Variants in SORCS1 observed in about 807,000 individuals in gnomAD.
SORCS1 encodes the protein sortilin related VPS10 domain containing receptor 1.
SORCS1 carries 60 observed loss-of-function variants against 146.1 expected under a neutral mutation model. The observed-to-expected ratio is 0.41, with a 90% CI of 0.33 to 0.51. SORCS1 has a LOEUF of 0.51. Ranked by LOEUF, SORCS1 falls within the 20% of genes least tolerant of loss-of-function variation. The pLI is 0.21. For synonymous variants in SORCS1, 637 were observed against 584.0 expected (o/e 1.09, Z -1.31); for missense variants, 1,352 against 1,487.6 (o/e 0.91, Z 1.50).
chr10:107,163,951 C>A lies in SORCS1; in HGVS notation c.558+18G>T. 1 of 1,603,736 alleles carries A rather than the reference C, an allele frequency of 6.2e-7. No individual in the cohort carries two copies. The highest frequency in any genetic ancestry group is 8.5e-7 in the Non-Finnish European group (1 of 1,172,920). ...TTCCATCTTTCCACCCCTTTACCCT[C>A]AGTCCCATTCTACTCACGCTGCTGT... On this transcript the variant is annotated intron_variant, in intron 1 of 25. Transcript: ENST00000263054.
chr10:106,599,727 ACTTT>A (rs1846123972), intron 23 of SORCS1, among the ~76,000 whole-genome samples: 2 of 151,836 alleles, frequency 1.3e-5, no homozygotes, highest in South Asian at 4.2e-4. Flanking sequence ...AAGACTCCCC[ACTTT>A]CAACCAGGTG....
intron 1 of SORCS1, among the ~76,000 whole-genome samples, chr10:107,120,980 G>T (rs753494642): frequency 6.6e-6 from 1 of 152,204 alleles, no homozygotes; most frequent in Non-Finnish European, 1.5e-5. Flanking sequence ...ATGCCAAAAT[G>T]CAGAGGATAA....
intron 1 of SORCS1, among the ~76,000 whole-genome samples, chr10:107,161,609 A>C (rs1969711377): frequency 6.6e-6 from 1 of 152,054 alleles, no homozygotes; most frequent in Non-Finnish European, 1.5e-5. Flanking sequence ...TTCAGCGGAC[A>C]CTCAACTTGC....
At chr10:107,175,977 A>G in the SORCS1 span, among the ~76,000 whole-genome samples, 1 of 152,232 alleles carries the variant, frequency 6.6e-6, no homozygotes, top group South Asian at 2.1e-4. Context: ...ATTAATTGTT[A>G]AAAGCAAATT....
At chr10:106,737,060 A>AGT (rs1037008021) in intron 5 of SORCS1, among the ~76,000 whole-genome samples, 2 of 151,032 alleles carry the variant, frequency 1.3e-5, no homozygotes, top group African/African-American at 4.9e-5. Flanking sequence ...TGTGCATGTG[A>AGT]GTGTGTGTGT....
chr10:106,969,196 T>C (rs1955649627), intron 1 of SORCS1, among the ~76,000 whole-genome samples: 1 of 152,216 alleles, frequency 6.6e-6, no homozygotes, highest in Non-Finnish European at 1.5e-5. Flanking sequence ...AATGTTTCCA[T>C]GTGATTCTAG....
chr10:107,037,303 G>GT, intron 1 of SORCS1, among the ~76,000 whole-genome samples: 1 of 152,300 alleles, frequency 6.6e-6, no homozygotes, highest in South Asian at 2.1e-4. Context: ...AAAAAGCTCA[G>GT]TGATGGTGAG....
intron 3 of SORCS1, among the ~76,000 whole-genome samples, chr10:106,812,039 C>T (rs966323854): frequency 1.3e-5 from 2 of 152,088 alleles, no homozygotes; most frequent in East Asian, 1.9e-4. Flanking sequence ...CTAGCTCTGT[C>T]GCCCAGGCTG....
chr10:106,729,003 CCTGGAGTG>C (rs888638404), intron 6 of SORCS1, among the ~76,000 whole-genome samples: 24 of 152,300 alleles, frequency 1.6e-4, no homozygotes, highest in African/African-American at 5.5e-4. Context: ...TACCCCCTCA[CCTGGAGTG>C]CTCTATCCTA....
At chr10:107,063,009 T>C (rs1405401586) in intron 1 of SORCS1, among the ~76,000 whole-genome samples, 6 of 152,200 alleles carry the variant, frequency 3.9e-5, no homozygotes, top group African/African-American at 1.4e-4. Context: ...TTTCCTTGAC[T>C]CGTAAGAACC....
chr10:106,972,455 G>A (rs945006719), intron 1 of SORCS1, among the ~76,000 whole-genome samples: 1 of 149,780 alleles, frequency 6.7e-6, no homozygotes, highest in Non-Finnish European at 1.5e-5. Context: ...TTTGATTTGT[G>A]TCATTCTCCT....
chr10:106,714,910 A>C (rs182967427), intron 6 of SORCS1, among the ~76,000 whole-genome samples: 95 of 152,292 alleles, frequency 6.2e-4, no homozygotes, highest in African/African-American at 2.1e-3. Flanking sequence ...AGAATTACCA[A>C]GTTTAAAATA....
chr10:107,137,202 G>A (rs763036981), intron 1 of SORCS1, among the ~76,000 whole-genome samples: 7 of 152,188 alleles, frequency 4.6e-5, no homozygotes, highest in Non-Finnish European at 1.0e-4. Flanking sequence ...GAATGGCAGA[G>A]GATGAAGCCA....
intron 1 of SORCS1, among the ~76,000 whole-genome samples, chr10:107,037,575 A>G (rs936926528): frequency 1.3e-5 from 2 of 152,260 alleles, no homozygotes; most frequent in Non-Finnish European, 2.9e-5. Flanking sequence ...CTCATATAAA[A>G]TCAGTTCCAG....
In SORCS1 at chr10:106,888,311, A is replaced by G. The variant is rs74152259; in HGVS notation, c.627-58638T>C. On this transcript the variant is annotated intron_variant, in intron 2 of 25. Transcript: ENST00000263054. ...ATCAAACTGACTGAGGCTGCTCAAC[A>G]ATTGGAAGGTATTTGGTGCTGGTGC... 4.9e-3 allele frequency among the ~76,000 whole-genome samples: 740 copies of G among 152,322 alleles called. 9 individuals carry two copies. Among genetic ancestry groups the G allele is most frequent in the African/African-American group, 0.017 (714 of 41,572 alleles).
chr10:106,573,765 CA>C lies in SORCS1; in HGVS notation c.*3654del, dbSNP rs1844468703. ...TACATTCTGCCTTGTTAGTAAAAAA[CA>C]GCCAAAAACCTCAAGCCTGTGGTGT... On this transcript the variant is annotated 3_prime_UTR_variant, in exon 26 of 26. Transcript: ENST00000263054. 6.6e-6 allele frequency: 1 copy of C among 152,046 alleles called. No individual in the cohort carries two copies. The highest frequency in any genetic ancestry group is 2.4e-5 in the African/African-American group (1 of 41,324). The allele number at this position is 152,046 out of a possible 1,614,324, so 9.4% of individuals were successfully genotyped here.
At chr10:106,836,399 A>G (rs1406777418) in intron 2 of SORCS1, among the ~76,000 whole-genome samples, 2 of 148,482 alleles carry the variant, frequency 1.3e-5, no homozygotes, top group Non-Finnish European at 3.0e-5. Context: ...GCGTGAACCC[A>G]GGAGGCGGAG....
intron 1 of SORCS1, among the ~76,000 whole-genome samples, chr10:107,154,449 T>C (rs1969110349): frequency 6.6e-6 from 1 of 152,180 alleles, no homozygotes; most frequent in African/African-American, 2.4e-5. Context: ...TATGTTTTTA[T>C]AATCAACCTT....
chr10:106,766,571 A>G (rs910623616), intron 4 of SORCS1, among the ~76,000 whole-genome samples: 1 of 152,148 alleles, frequency 6.6e-6, no homozygotes, highest in African/African-American at 2.4e-5. Flanking sequence ...ACCCATGCAA[A>G]GGGGAACCAA....
Sources: gnomAD v4.1 joint callset for allele counts (sites outside exome capture counted in the v4.1 genomes callset) on GRCh38, gnomAD v4.1.1 for gene constraint, MANE v1.5 for transcripts, NCBI Gene and HGNC (gene_info 2026-07-23, HGNC 2026-07-21) for gene names.